Variants in ZNF732 observed in about 807,000 individuals in gnomAD.
ZNF732 encodes the protein zinc finger protein 732, also known as zinc finger protein LOC654254.
ZNF732 carries 12 observed loss-of-function variants against 11.5 expected under a neutral mutation model. The observed-to-expected ratio is 1.05, with a 90% CI of 0.67 to 1.70. ZNF732 has a LOEUF of 1.70. Among genes scored for constraint, ZNF732 ranks in the 40% most tolerant of loss-of-function variants. The pLI is 0.00. For synonymous variants in ZNF732, 231 were observed against 236.5 expected, an observed-to-expected ratio of 0.98 and a Z score of 0.21; for missense variants, 702 against 676.9, an observed-to-expected ratio of 1.04 and a Z score of -0.41.
At chr4:299,515 GTA>G (rs1356019719) in intron 1 of ZNF732, among the ~76,000 whole-genome samples, 35 of 91,392 alleles carry the variant, frequency 3.8e-4, no homozygotes, top group Non-Finnish European at 5.8e-4. Flanking sequence ...ACACATATAC[GTA>G]TATATGTGTA....
chr4:278,571 T>C (rs1348202780), intron 3 of ZNF732, among the ~76,000 whole-genome samples: 1 of 152,202 alleles, frequency 6.6e-6, no homozygotes, highest in East Asian at 1.9e-4. Flanking sequence ...TTCAAAGAAA[T>C]TTCTATTTCA....
Position 305,461 on chromosome 4 carries a change from C to G in ZNF732, c.-151G>C. 8.6e-7 allele frequency: 1 copy of G among 1,166,174 alleles called. No homozygotes were observed. The highest frequency in any genetic ancestry group is 1.2e-6 in the Non-Finnish European group (1 of 838,086). The allele number at this position is 1,166,174 out of a possible 1,614,324, so 72.2% of individuals were successfully genotyped here. Reference sequence around the variant, plus strand: ...CGTGGAGACCCTAACCGAGCTCACGCTGGCGCAAAAGGCAAAAGCCGCGCC... The same window carrying G: ...CGTGGAGACCCTAACCGAGCTCACGGTGGCGCAAAAGGCAAAAGCCGCGCC... On this transcript the variant is annotated 5_prime_UTR_variant, in exon 1 of 4. Coordinates refer to ENST00000419098, the MANE Select transcript of ZNF732 (RefSeq NM_001137608.3).
intron 3 of ZNF732, among the ~76,000 whole-genome samples, chr4:282,599 G>A (rs1454767936): frequency 1.3e-5 from 2 of 152,110 alleles, no homozygotes; most frequent in East Asian, 3.9e-4. Flanking sequence ...TACTTGGGAG[G>A]CTGATATGGG....
intron 3 of ZNF732, among the ~76,000 whole-genome samples, chr4:273,324 AAAC>A (rs1433250297): frequency 3.3e-5 from 5 of 152,108 alleles, no homozygotes; most frequent in Admixed American, 6.5e-5. Flanking sequence ...TGTCAGGAGA[AAAC>A]AACATTGTAA....
intron 1 of ZNF732, among the ~76,000 whole-genome samples, chr4:304,607 G>A (rs1220361149): frequency 1.3e-5 from 2 of 151,912 alleles, no homozygotes; most frequent in Non-Finnish European, 2.9e-5. Context: ...CTGGACACCC[G>A]TCTTCATTTC....
chr4:279,900 G>A (rs1260783769), intron 3 of ZNF732, among the ~76,000 whole-genome samples: 1 of 152,046 alleles, frequency 6.6e-6, no homozygotes, highest in Non-Finnish European at 1.5e-5. Flanking sequence ...AAACCAGGTA[G>A]GGGCATTATT....
chr4:283,450 A>G (rs955011782), intron 3 of ZNF732, among the ~76,000 whole-genome samples: 2 of 152,140 alleles, frequency 1.3e-5, no homozygotes, highest in African/African-American at 4.8e-5. Flanking sequence ...AGTAATAACT[A>G]AAAGAGTATA....
chr4:299,389 A>G (rs1181550416), intron 1 of ZNF732, among the ~76,000 whole-genome samples: 6 of 85,958 alleles, frequency 7.0e-5, no homozygotes, highest in Non-Finnish European at 1.5e-4. Flanking sequence ...ATATACACAT[A>G]TGTACACATA....
chr4:304,566 GC>G (rs34949567), intron 1 of ZNF732, among the ~76,000 whole-genome samples: 27,125 of 150,750 alleles, frequency 0.18, 2,614 homozygotes, highest in South Asian at 0.34. Context: ...TCCCGCAGCT[GC>G]CCCCCCCCTG....
intron 3 of ZNF732, among the ~76,000 whole-genome samples, chr4:293,214 T>C (rs1050308026): frequency 5.7e-5 from 8 of 140,128 alleles, no homozygotes; most frequent in Non-Finnish European, 1.2e-4. Context: ...CTGTAGTATA[T>C]TTACAATAGC....
chr4:272,217 C>T lies in ZNF732; in HGVS notation c.640G>A (p.Glu214Lys). The change falls in exon 4 of 4, where the codon GAG becomes AAG. Residue 214 changes from glutamate (E) to lysine (K), a missense_variant. Physicochemically the swap from Glu to Lys is moderately conservative, Grantham distance 56 (BLOSUM62 1). Around this residue, in one of 3 missense-constraint regions of ZNF732, gnomAD observed 596 missense variants for 557.9 expected, o/e 1.07. Coordinates refer to ENST00000419098, the MANE Select transcript of ZNF732 (RefSeq NM_001137608.3). ...GGTTTCTCTCCAGTATGAATTATCT[C>T]ATATTCATTAAAGATTAAATACCAT... ...FKWYLIFNEYEIIHTGEKPFT... is the reference protein window; with the variant it reads ...FKWYLIFNEYKIIHTGEKPFT... 1.2e-6 allele frequency: 2 copies of T among 1,611,478 alleles called. No homozygotes were observed. Among genetic ancestry groups the T allele is most frequent in the Non-Finnish European group, 1.7e-6 (2 of 1,178,814 alleles).
chr4:274,786 A>G (rs1488404733), intron 3 of ZNF732, among the ~76,000 whole-genome samples: 2 of 151,712 alleles, frequency 1.3e-5, no homozygotes, highest in African/African-American at 4.8e-5. Context: ...AAAAGTCATA[A>G]GAAAGAAGGA....
Position 305,358 on chromosome 4 carries a change from T to A in ZNF732, c.-48A>T, listed in dbSNP as rs782734686. On this transcript the variant is annotated 5_prime_UTR_variant, in exon 1 of 4. Transcript: ENST00000419098. ...GGAGTCTCAGCTACGAATCATCCAA[T>A]ACCCGCAGGTCACAGAGCGACGGAG... is the stretch of plus-strand genomic sequence containing the variant. 1.2e-6 allele frequency: 2 copies of A among 1,605,972 alleles called. No homozygotes were observed. The highest frequency in any genetic ancestry group is 1.7e-6 in the Non-Finnish European group (2 of 1,179,378).
chr4:286,723 A>G (rs1175806854), intron 3 of ZNF732, among the ~76,000 whole-genome samples: 1 of 152,224 alleles, frequency 6.6e-6, no homozygotes, highest in Non-Finnish European at 1.5e-5. Context: ...AGGATGGGGT[A>G]TATGTGCAAG....
rs1234343109 is a variant in ZNF732 at position 305,462 on chromosome 4, T to C, written c.-152A>G. 11 of 1,149,756 alleles carry C rather than the reference T, an allele frequency of 9.6e-6. No individual in the cohort carries two copies. The highest frequency in any genetic ancestry group is 2.7e-5 in the East Asian group (1 of 37,328). The allele number at this position is 1,149,756 out of a possible 1,614,324, so 71.2% of individuals were successfully genotyped here. On this transcript the variant is annotated 5_prime_UTR_variant, in exon 1 of 4. Coordinates refer to ENST00000419098, the MANE Select transcript of ZNF732 (RefSeq NM_001137608.3). The stretch of plus-strand genomic sequence containing the variant: ...GTGGAGACCCTAACCGAGCTCACGC[T>C]GGCGCAAAAGGCAAAAGCCGCGCCA...
At chr4:291,384 C>T (rs782775250) in intron 3 of ZNF732, among the ~76,000 whole-genome samples, 7 of 152,002 alleles carry the variant, frequency 4.6e-5, no homozygotes, top group Non-Finnish European at 7.4e-5. Flanking sequence ...CCTAGCCCAA[C>T]ATACAAATAT....
chr4:295,529 A>C lies in ZNF732; in HGVS notation c.135T>G (p.Val45=). ...ENYRNLISLG[V]AISNPDLVIY... ...TGACCAGGTCTGGGTTAGAGATAGCAACACCTGTTTATTTTAAAAAATTAA... is the reference window on the plus strand; with the variant it reads ...TGACCAGGTCTGGGTTAGAGATAGCCACACCTGTTTATTTTAAAAAATTAA... Residue 45 remains valine (V), a synonymous_variant, in exon 3 of 4, where the codon GTT becomes GTG. Transcript: ENST00000419098. 2 of 1,611,080 alleles carry C rather than the reference A, an allele frequency of 1.2e-6. No individual in the cohort carries two copies.
Position 272,280 on chromosome 4 carries a change from TC to T in ZNF732, c.576del (p.Lys193AsnfsTer16), listed in dbSNP as rs1553837871. 1 of 1,613,462 alleles carries T rather than the reference TC, an allele frequency of 6.2e-7. No homozygotes were observed. The highest frequency in any genetic ancestry group is 1.1e-5 in the South Asian group (1 of 91,002). ...LTQHQGIHAG[E>X]KPYTCEECGK... ...CCACATTCTTCACATGTGTAGGGTT[TC>T]TCTCCAGCATGAATTCCTTGATGTT... On this transcript the variant is annotated frameshift_variant, in exon 4 of 4. Transcript: ENST00000419098. LOFTEE classifies it low-confidence loss of function (END_TRUNC).
intron 3 of ZNF732, among the ~76,000 whole-genome samples, chr4:293,071 A>T (rs1719874289): frequency 2.2e-5 from 2 of 91,976 alleles, no homozygotes. Flanking sequence ...CCATCTCAAA[A>T]AAAAAAAAAA....
Sources: allele counts gnomAD v4.1 joint callset (sites outside exome capture counted in the v4.1 genomes callset), GRCh38; gene constraint gnomAD v4.1.1; regional missense constraint gnomAD v4.1.1; transcripts MANE v1.5; gene names NCBI Gene and HGNC (gene_info 2026-07-23, HGNC 2026-07-21).